Variants in ST6GALNAC3 observed in about 807,000 individuals in gnomAD.
ST6GALNAC3 encodes alpha-N-acetylgalactosaminide alpha-2,6-sialyltransferase 3.
Under a neutral mutation model 32.7 loss-of-function variants are expected in ST6GALNAC3, and 25 were observed. That is an observed-to-expected ratio of 0.76 (90% CI 0.56 to 1.07). The LOEUF (loss-of-function observed/expected upper bound fraction) is 1.07, where lower values mean the gene tolerates loss of function less well. Among genes scored for constraint, ST6GALNAC3 ranks in the 50% least tolerant of loss-of-function variants. ST6GALNAC3 has a pLI of 0.00. For missense variants in ST6GALNAC3, 355 were observed against 382.4 expected, an observed-to-expected ratio of 0.93 and a Z score of 0.60; for synonymous variants, 129 against 133.1, an observed-to-expected ratio of 0.97 and a Z score of 0.21.
At chr1:76,179,901 A>T (rs1653071565) in intron 1 of ST6GALNAC3, among the ~76,000 whole-genome samples, 1 of 152,130 alleles carries the variant, frequency 6.6e-6, no homozygotes, top group Non-Finnish European at 1.5e-5. Flanking sequence ...AAGTCTGACC[A>T]ATTTTGCCTT....
intron 3 of ST6GALNAC3, among the ~76,000 whole-genome samples, chr1:76,599,970 A>G (rs1647196949): frequency 6.6e-6 from 1 of 152,158 alleles, no homozygotes; most frequent in Non-Finnish European, 1.5e-5. Context: ...CTATTTTAGA[A>G]CAAAAGTTAT....
intron 1 of ST6GALNAC3, among the ~76,000 whole-genome samples, chr1:76,286,080 TCTTA>T (rs1659761960): frequency 6.6e-6 from 1 of 152,178 alleles, no homozygotes; most frequent in Admixed American, 6.5e-5. Flanking sequence ...ATCAGCTTGG[TCTTA>T]CTTGTTTCAG....
chr1:76,190,292 A>G (rs1348858341), intron 1 of ST6GALNAC3, among the ~76,000 whole-genome samples: 1 of 152,210 alleles, frequency 6.6e-6, no homozygotes, highest in Admixed American at 6.5e-5. Context: ...GGATTTTTTC[A>G]TAGCAATGCA....
intron 1 of ST6GALNAC3, among the ~76,000 whole-genome samples, chr1:76,079,400 G>A (rs1646859863): frequency 1.3e-5 from 2 of 152,154 alleles, no homozygotes; most frequent in African/African-American, 4.8e-5. Context: ...TGGTCAGCAG[G>A]TACATTTTCA....
intron 3 of ST6GALNAC3, among the ~76,000 whole-genome samples, chr1:76,456,241 A>G (rs755585661): frequency 1.3e-5 from 2 of 152,218 alleles, no homozygotes; most frequent in Non-Finnish European, 2.9e-5. Context: ...ATTCAGCTAT[A>G]TGACTGTGAC....
At chr1:76,086,130 A>G (rs1298263248) in intron 1 of ST6GALNAC3, among the ~76,000 whole-genome samples, 6 of 152,198 alleles carry the variant, frequency 3.9e-5, no homozygotes, top group African/African-American at 7.2e-5. Context: ...TGCTGATTGC[A>G]TATCAAATCC....
At chr1:76,103,000 C>A (rs1014487947) in intron 1 of ST6GALNAC3, among the ~76,000 whole-genome samples, 3 of 151,780 alleles carry the variant, frequency 2.0e-5, no homozygotes, top group African/African-American at 7.3e-5. Flanking sequence ...TATGTTCTTT[C>A]AATACTTAAA....
intron 1 of ST6GALNAC3, among the ~76,000 whole-genome samples, chr1:76,076,300 G>A (rs1646815484): frequency 6.6e-6 from 1 of 152,258 alleles, no homozygotes; most frequent in African/African-American, 2.4e-5. Flanking sequence ...TATACATGTG[G>A]TAAACATCTT....
At chr1:76,489,777 G>A (rs1660373446) in intron 3 of ST6GALNAC3, among the ~76,000 whole-genome samples, 1 of 152,146 alleles carries the variant, frequency 6.6e-6, no homozygotes, top group Non-Finnish European at 1.5e-5. Context: ...TGGACAAGAG[G>A]TGGGAGGGAA....
chr1:76,183,871 T>TATATATATAC (rs1557679634), intron 1 of ST6GALNAC3, among the ~76,000 whole-genome samples: 3 of 146,768 alleles, frequency 2.0e-5, no homozygotes, highest in African/African-American at 7.5e-5. Context: ...TATATATATA[T>TATATATATAC]ATGTATGTTA....
chr1:76,382,039 T>C (rs1012304835), intron 2 of ST6GALNAC3, among the ~76,000 whole-genome samples: 2 of 152,132 alleles, frequency 1.3e-5, no homozygotes, highest in African/African-American at 2.4e-5. Context: ...TTTATAAACA[T>C]GGCAGATTCT....
intron 1 of ST6GALNAC3, among the ~76,000 whole-genome samples, chr1:76,171,423 A>G (rs779141772): frequency 5.3e-5 from 8 of 152,306 alleles, no homozygotes; most frequent in South Asian, 2.1e-4. Flanking sequence ...ACAAGTAACT[A>G]ATAACTAAGA....
chr1:76,224,243 C>A (rs1042574004), intron 1 of ST6GALNAC3, among the ~76,000 whole-genome samples: 1 of 152,240 alleles, frequency 6.6e-6, no homozygotes, highest in East Asian at 1.9e-4. Flanking sequence ...TTGTGAGGAA[C>A]AAAATGCTGC....
chr1:76,144,712 T>C (rs418644), intron 1 of ST6GALNAC3, among the ~76,000 whole-genome samples: 21,727 of 152,224 alleles, frequency 0.14, 1,708 homozygotes, highest in African/African-American at 0.16. Context: ...TGAAGCAAAC[T>C]AGTCTATAGT....
intron 2 of ST6GALNAC3, among the ~76,000 whole-genome samples, chr1:76,345,976 C>T (rs1242101973): frequency 6.6e-6 from 1 of 152,102 alleles, no homozygotes; most frequent in Admixed American, 6.6e-5. Context: ...TCCTTTGCTT[C>T]TTAAGCAAAA....
chr1:76,457,150 T>C (rs7527852), intron 3 of ST6GALNAC3, among the ~76,000 whole-genome samples: 24,116 of 151,020 alleles, frequency 0.16, 1,782 homozygotes, highest in African/African-American at 0.21. Flanking sequence ...TTACAAGGGA[T>C]GTGAAGGACC....
At chr1:76,205,317 T>A (rs144598242) in intron 1 of ST6GALNAC3, among the ~76,000 whole-genome samples, 37 of 152,322 alleles carry the variant, frequency 2.4e-4, no homozygotes, top group Middle Eastern at 3.4e-3. Flanking sequence ...GAGCCCCTTG[T>A]ACACTCAATA....
In ST6GALNAC3 at chr1:76,629,080, T is replaced by G; in HGVS notation, c.*274T>G. The G allele has an allele frequency of 1.7e-6, 2 of 1,177,276 alleles. No individual in the cohort carries two copies. The highest frequency in any genetic ancestry group is 5.2e-5 in the East Asian group (1 of 19,164). 72.9% of individuals were successfully genotyped at this position (1,177,276 alleles called of 1,614,324 possible). ...GGAATTGAGATGAAGGCCAGTGACA[T>G]GACAACTGTGACCTAAGAAATGGGA... is the stretch of plus-strand genomic sequence containing the variant. On this transcript the variant is annotated 3_prime_UTR_variant, in exon 5 of 5. Transcript: ENST00000328299.
At chr1:76,478,689 GA>G (rs1280818348) in intron 3 of ST6GALNAC3, among the ~76,000 whole-genome samples, 1 of 150,322 alleles carries the variant, frequency 6.7e-6, no homozygotes, top group Non-Finnish European at 1.5e-5. Context: ...TGTGTTTTCA[GA>G]TATTTTTCTT....
Sources: gnomAD v4.1 joint callset for allele counts (sites outside exome capture counted in the v4.1 genomes callset) on GRCh38, gnomAD v4.1.1 for gene constraint, MANE v1.5 for transcripts, NCBI Gene and HGNC (gene_info 2026-07-23, HGNC 2026-07-21) for gene names.